Variants in UBE3A observed in about 807,000 individuals in gnomAD.
UBE3A encodes ubiquitin protein ligase E3A.
A neutral mutation model predicts 83.4 loss-of-function variants in UBE3A; 6 were observed. The ratio of observed to expected loss-of-function variants is 0.07; its 90% confidence interval spans 0.04 to 0.14. The LOEUF (loss-of-function observed/expected upper bound fraction) is 0.14. Among genes scored for constraint, UBE3A ranks in the 10% least tolerant of loss-of-function variants. The probability of loss-of-function intolerance (pLI) is 1.00; values close to 1 mark genes in which losing one functional copy is unlikely to be tolerated. For synonymous variants in UBE3A, 337 were observed against 355.4 expected (o/e 0.95, Z 0.58); for missense variants, 456 against 1,036.1 (o/e 0.44, Z 7.69).
intron 11 of UBE3A, among the ~76,000 whole-genome samples, chr15:25,351,480 G>A (rs111635362): frequency 7.2e-5 from 11 of 152,124 alleles, no homozygotes; most frequent in East Asian, 3.9e-4. Context: ...TCTGTTTTTC[G>A]TTTTTTTGAG....
intron 6 of UBE3A, among the ~76,000 whole-genome samples, chr15:25,362,463 T>A (rs2078273554): frequency 6.6e-6 from 1 of 152,172 alleles, no homozygotes; most frequent in South Asian, 2.1e-4. Context: ...AAGCCTCAGT[T>A]TCCTCAACAT....
rs80348202 is a variant in UBE3A at position 25,424,781 on chromosome 15, A to G, written c.-164-12810T>C. On this transcript the variant is annotated intron_variant, in intron 1 of 12. Transcript: ENST00000648336. Reference sequence around the variant, plus strand: ...ATTCAATTTGCAATACCATCAAAACATAAAATTCTTAGAAATAAATTTTTA... The same window carrying G: ...ATTCAATTTGCAATACCATCAAAACGTAAAATTCTTAGAAATAAATTTTTA... Among the ~76,000 whole-genome samples, 1,110 of 152,356 alleles carry G rather than the reference A, an allele frequency of 7.3e-3. 13 individuals carry two copies. Among genetic ancestry groups the G allele is most frequent in the Non-Finnish European group, 0.01 (705 of 68,036 alleles).
chr15:25,357,225 C>T lies in UBE3A; in HGVS notation c.1754-329G>A, dbSNP rs186137512. The stretch of plus-strand genomic sequence containing the variant: ...ACACATAAGAAAAGTTATATTCATG[C>T]TTTATCCACCCATAGCTGAAAAATA... On this transcript the variant is annotated intron_variant, in intron 7 of 12. Coordinates refer to ENST00000648336, the MANE Select transcript of UBE3A (RefSeq NM_130839.5). 3.6e-3 allele frequency: 690 copies of T among 192,198 alleles called. 5 individuals carry two copies. Among genetic ancestry groups the T allele is most frequent in the Non-Finnish European group, 4.4e-3 (411 of 92,848 alleles). 11.9% of individuals were successfully genotyped at this position (192,198 alleles called of 1,614,324 possible). A position where few individuals can be genotyped will look rare whatever the true frequency, so the allele number is the denominator to read the frequency against.
At chr15:25,390,084 AAATTAT>A (rs1406121451) in intron 4 of UBE3A, among the ~76,000 whole-genome samples, 2 of 152,184 alleles carry the variant, frequency 1.3e-5, no homozygotes, top group South Asian at 2.1e-4. Context: ...ACACAAATTA[AAATTAT>A]AAGATACCTC....
At chr15:25,428,871 C>T (rs956021176) in intron 1 of UBE3A, among the ~76,000 whole-genome samples, 2 of 152,064 alleles carry the variant, frequency 1.3e-5, no homozygotes, top group African/African-American at 2.4e-5. Flanking sequence ...TTCACTTCTA[C>T]GGTTTTTCCC....
intron 7 of UBE3A, among the ~76,000 whole-genome samples, chr15:25,359,281 T>C (rs995611147): frequency 6.6e-6 from 1 of 152,188 alleles, no homozygotes; most frequent in African/African-American, 2.4e-5. Flanking sequence ...ATTTAAGAAC[T>C]TTATGAAGTT....
chr15:25,384,250 G>C (rs1280887860), intron 4 of UBE3A, among the ~76,000 whole-genome samples: 1 of 152,072 alleles, frequency 6.6e-6, no homozygotes. Context: ...ACGAGGTCAA[G>C]AGATTGAGAC....
intron 5 of UBE3A, among the ~76,000 whole-genome samples, chr15:25,373,198 A>G (rs533012888): frequency 1.3e-5 from 2 of 152,346 alleles, no homozygotes; most frequent in South Asian, 4.1e-4. Flanking sequence ...AATTTTTAAA[A>G]TACCTTCTTA....
At chr15:25,395,986 C>T (rs769563782) in intron 4 of UBE3A, among the ~76,000 whole-genome samples, 1 of 152,068 alleles carries the variant, frequency 6.6e-6, no homozygotes, top group South Asian at 2.1e-4. Flanking sequence ...AGGCAGATCA[C>T]GAGGTCAGGA....
chr15:25,380,017 G>A (rs2081911989), intron 4 of UBE3A, among the ~76,000 whole-genome samples: 1 of 152,004 alleles, frequency 6.6e-6, no homozygotes, highest in Non-Finnish European at 1.5e-5. Context: ...CTCATGTGTT[G>A]TAGGAGTGAC....
chr15:25,344,947 T>C (rs1053023885), intron 11 of UBE3A, among the ~76,000 whole-genome samples: 8 of 152,072 alleles, frequency 5.3e-5, no homozygotes, highest in Non-Finnish European at 1.2e-4. Context: ...GGCAACGACA[T>C]AGTTATTATT....
At position 25,408,236 on chromosome 15, in the gene UBE3A, AT is replaced by A. The variant is rs1596281086; in HGVS notation, c.20+851del. 3.0e-5 allele frequency: 7 copies of A among 231,804 alleles called. No individual in the cohort carries two copies. The East Asian group carries it at 8.2e-4, about 27-fold the overall frequency. 14.4% of individuals were successfully genotyped at this position (231,804 alleles called of 1,614,324 possible). A position where few individuals can be genotyped will look rare whatever the true frequency, so the allele number is the denominator to read the frequency against. ...CTTGTCTTGGAAACAAACATAAACTATGAAATATATACCACCTAGCAACAGT... is the reference window on the plus strand; with the variant it reads ...CTTGTCTTGGAAACAAACATAAACTAGAAATATATACCACCTAGCAACAGT... On this transcript the variant is annotated intron_variant, in intron 3 of 12. Coordinates refer to ENST00000648336, the MANE Select transcript of UBE3A (RefSeq NM_130839.5).
In UBE3A at chr15:25,371,582, C is replaced by T. The variant is rs147145506; in HGVS notation, c.592G>A (p.Ala198Thr). 0.016 allele frequency: 26,388 copies of T among 1,614,158 alleles called. 289 individuals are homozygous for T. Among genetic ancestry groups the T allele is most frequent in the Non-Finnish European group, 0.02 (23,420 of 1,180,010 alleles). Reference protein sequence around the residue: ...DEKEKAACSAAAMEEDSEASS... With the variant: ...DEKEKAACSATAMEEDSEASS... Reference sequence around the variant, plus strand: ...GCTTCTGAGTCTTCTTCCATAGCAGCAGCAGAACATGCAGCTTTTTCCTTT... The same window carrying T: ...GCTTCTGAGTCTTCTTCCATAGCAGTAGCAGAACATGCAGCTTTTTCCTTT... The change falls in exon 6 of 13, where the codon GCT becomes ACT. Residue 198 changes from alanine (A) to threonine (T), a missense_variant. Ala to Thr is a moderately conservative substitution (Grantham distance 58). Coordinates refer to ENST00000648336, the MANE Select transcript of UBE3A (RefSeq NM_130839.5). The surrounding 1 kb of genome is among the most constrained non-coding windows in gnomAD (Gnocchi z 5.3).
chr15:25,407,315 T>C, intron 3 of UBE3A: 1 of 1,014,110 alleles, frequency 9.9e-7, no homozygotes, highest in African/African-American at 1.7e-5. Flanking sequence ...CAGCAAAACT[T>C]TCAAAATTAA....
At chr15:25,423,704 G>A (rs1050127930) in intron 1 of UBE3A, among the ~76,000 whole-genome samples, 2 of 151,890 alleles carry the variant, frequency 1.3e-5, no homozygotes, top group African/African-American at 4.8e-5. Context: ...CCCCCCACAA[G>A]CTTATATGGT....
chr15:25,349,003 G>C (rs1443877929), intron 11 of UBE3A, among the ~76,000 whole-genome samples: 1 of 152,172 alleles, frequency 6.6e-6, no homozygotes, highest in Non-Finnish European at 1.5e-5. Flanking sequence ...GCAACCTAAT[G>C]AAAAAGTTGT....
chr15:25,380,843 C>A (rs774781061), intron 4 of UBE3A, among the ~76,000 whole-genome samples: 6 of 152,174 alleles, frequency 3.9e-5, no homozygotes, highest in Non-Finnish European at 5.9e-5. Flanking sequence ...TCAAGTGAGA[C>A]CTTCTAGTAA....
At chr15:25,347,497 C>T (rs371792983) in intron 11 of UBE3A, among the ~76,000 whole-genome samples, 13 of 152,150 alleles carry the variant, frequency 8.5e-5, no homozygotes, top group East Asian at 3.9e-4. Flanking sequence ...GTCAAGAGTT[C>T]GAGACCAGCC....
At position 25,375,333 on chromosome 15, in the gene UBE3A, C is replaced by T. The variant is rs1013442585; in HGVS notation, c.361+132G>A. ...TAGTTATTATTCCTGTCCGTTACCA[C>T]AATAAAAAATTGGTTCTACGATATC... On this transcript the variant is annotated intron_variant, in intron 5 of 12. Transcript: ENST00000648336. The T allele has an allele frequency of 5.7e-6, 6 of 1,055,558 alleles. No homozygotes were observed. The African/African-American group carries it at 6.4e-5, about 11-fold the overall frequency. The allele number at this position is 1,055,558 out of a possible 1,614,324, so 65.4% of individuals were successfully genotyped here.
Sources: gnomAD v4.1 joint callset for allele counts (sites outside exome capture counted in the v4.1 genomes callset) on GRCh38, gnomAD v4.1.1 for gene constraint, Gnocchi (gnomAD v3.1) non-coding constraint, MANE v1.5 for transcripts, NCBI Gene and HGNC (gene_info 2026-07-23, HGNC 2026-07-21) for gene names.